The following FEM1B variants were observed in gnomAD, a reference collection of about 807,000 sequenced individuals.
The protein encoded by FEM1B is protein fem-1 homolog B.
FEM1B carries 10 observed loss-of-function variants against 38.6 expected under a neutral mutation model. The ratio of observed to expected loss-of-function variants is 0.26; its 90% confidence interval spans 0.16 to 0.44. The LOEUF (loss-of-function observed/expected upper bound fraction) is 0.44, where lower values mean the gene tolerates loss of function less well. Among genes scored for constraint, FEM1B ranks in the 20% least tolerant of loss-of-function variants. The probability of loss-of-function intolerance (pLI) is 1.00; values close to 1 mark genes in which losing one functional copy is unlikely to be tolerated. For missense variants in FEM1B, 471 were observed against 786.7 expected (o/e 0.60, Z 4.80); for synonymous variants, 288 against 288.0 (o/e 1.00, Z 0.00).
At chr15:68,285,790 C>T (rs1356974095) in intron 1 of FEM1B, among the ~76,000 whole-genome samples, 1 of 152,002 alleles carries the variant, frequency 6.6e-6, no homozygotes, top group African/African-American at 2.4e-5. Context: ...TCTTAGCCCC[C>T]CCGCAGTGCT....
At position 68,295,467 on chromosome 15, in the gene FEM1B, A is replaced by G. The variant is rs1472307407; in HGVS notation, c.*4225A>G. 6.6e-6 allele frequency: 1 copy of G among 152,204 alleles called. No individual in the cohort carries two copies. The highest frequency in any genetic ancestry group is 1.5e-5 in the Non-Finnish European group (1 of 68,040). The allele number at this position is 152,204 out of a possible 1,614,324, so 9.4% of individuals were successfully genotyped here. A position where few individuals can be genotyped will look rare whatever the true frequency, so the allele number is the denominator to read the frequency against. ...CTCAGCTTTCCTCACAGTCTTTTCA[A>G]AGGTACACAGTTGGGGAGTAAAATC... On this transcript the variant is annotated 3_prime_UTR_variant, in exon 2 of 2. Transcript: ENST00000306917.
At chr15:68,286,794 AC>A (rs1244968532) in intron 1 of FEM1B, among the ~76,000 whole-genome samples, 1 of 79,708 alleles carries the variant, frequency 1.3e-5, no homozygotes, top group African/African-American at 4.2e-5. Context: ...GACAATAAAA[AC>A]ATAACAAAAA....
chr15:68,295,111 A>G lies in FEM1B; in HGVS notation c.*3869A>G, dbSNP rs1205906853. 1 of 152,236 alleles carries G rather than the reference A, an allele frequency of 6.6e-6. No individual in the cohort carries two copies. The highest frequency in any genetic ancestry group is 1.5e-5 in the Non-Finnish European group (1 of 68,034). The allele number at this position is 152,236 out of a possible 1,614,324, so 9.4% of individuals were successfully genotyped here. On this transcript the variant is annotated 3_prime_UTR_variant, in exon 2 of 2. Coordinates refer to ENST00000306917, the MANE Select transcript of FEM1B (RefSeq NM_015322.5). ...TGATAGTGGAGATATATTAATTTTT[A>G]AAACTGTAAAGTAAATGTGGTCTCT...
At position 68,278,366 on chromosome 15, in the gene FEM1B, C is replaced by G; in HGVS notation, c.-52C>G. 2 of 1,572,352 alleles carry G rather than the reference C, an allele frequency of 1.3e-6. No homozygotes were observed. The highest frequency in any genetic ancestry group is 1.7e-6 in the Non-Finnish European group (2 of 1,158,462). ...CTGGCGAACGCGGCCTCCGGGGGCG[C>G]ACGGCAGCTGCAGCGGTGGCGACCA... is the stretch of plus-strand genomic sequence containing the variant. On this transcript the variant is annotated 5_prime_UTR_variant, in exon 1 of 2. Transcript: ENST00000306917. This position sits in a 1 kb window ranked among gnomAD's most constrained non-coding sequence, Gnocchi z 5.7.
In FEM1B at chr15:68,294,669, G is replaced by C. The variant is rs1225802863; in HGVS notation, c.*3427G>C. On this transcript the variant is annotated 3_prime_UTR_variant, in exon 2 of 2. Coordinates refer to ENST00000306917, the MANE Select transcript of FEM1B (RefSeq NM_015322.5). The surrounding 1 kb of genome is among the most constrained non-coding windows in gnomAD (Gnocchi z 4.4). ...TAGTTTGCTGGTTTAGAAACAGCCA[G>C]TGGCTGAATTAGTGAGTAAATGAAT... 6.6e-6 allele frequency: 1 copy of C among 151,922 alleles called. No homozygotes were observed. Among genetic ancestry groups the C allele is most frequent in the South Asian group, 2.1e-4 (1 of 4,796 alleles). The allele number at this position is 151,922 out of a possible 1,614,324, so 9.4% of individuals were successfully genotyped here.
rs764474695 is a variant in FEM1B at position 68,291,065 on chromosome 15, G to A, written c.1707G>A (p.Thr569=). The A allele has an allele frequency of 4.3e-6, 7 of 1,613,930 alleles. No individual in the cohort carries two copies. Among genetic ancestry groups the A allele is most frequent in the African/African-American group, 4.0e-5 (3 of 74,882 alleles). The change falls in exon 2 of 2, where the codon ACG becomes ACA. Residue 569 remains threonine, a synonymous_variant. Coordinates refer to ENST00000306917, the MANE Select transcript of FEM1B (RefSeq NM_015322.5). The surrounding 1 kb of genome is among the most constrained non-coding windows in gnomAD (Gnocchi z 6.9). ...LVEAGAHTDM[T]NKQNKTPLDK... ...AAGCCGGAGCTCACACTGACATGAC[G>A]AATAAACAGAATAAGACTCCGCTAG... is the stretch of plus-strand genomic sequence containing the variant.
intron 1 of FEM1B, among the ~76,000 whole-genome samples, chr15:68,286,638 TATCTC>T (rs1253310814): frequency 6.6e-6 from 1 of 152,232 alleles, no homozygotes; most frequent in Non-Finnish European, 1.5e-5. Flanking sequence ...TAGATTTACT[TATCTC>T]AGGAGTGTTT....
rs78230835 is a variant in FEM1B at position 68,295,023 on chromosome 15, A to G, written c.*3781A>G. On this transcript the variant is annotated 3_prime_UTR_variant, in exon 2 of 2. Coordinates refer to ENST00000306917, the MANE Select transcript of FEM1B (RefSeq NM_015322.5). ...CTGGCAGACTTGCCCAAATCTTTAGATGGGCTGGGTTATACAGCATGCCCT... is the reference window on the plus strand; with the variant it reads ...CTGGCAGACTTGCCCAAATCTTTAGGTGGGCTGGGTTATACAGCATGCCCT... 2 of 152,170 alleles carry G rather than the reference A, an allele frequency of 1.3e-5. No individual in the cohort carries two copies. The highest frequency in any genetic ancestry group is 4.8e-5 in the African/African-American group (2 of 41,442). 9.4% of individuals were successfully genotyped at this position (152,170 alleles called of 1,614,324 possible).
chr15:68,295,602 A>C lies in FEM1B; in HGVS notation c.*4360A>C, dbSNP rs764142515. 2.0e-5 allele frequency: 3 copies of C among 152,190 alleles called. No individual in the cohort carries two copies. Among genetic ancestry groups the C allele is most frequent in the Non-Finnish European group, 2.9e-5 (2 of 68,028 alleles). 9.4% of individuals were successfully genotyped at this position (152,190 alleles called of 1,614,324 possible). A position where few individuals can be genotyped will look rare whatever the true frequency, so the allele number is the denominator to read the frequency against. On this transcript the variant is annotated 3_prime_UTR_variant, in exon 2 of 2. Transcript: ENST00000306917. ...CTAGTAATTCACTGTGATTTATAAC[A>C]AACCGGTGATGTCATTCTATTGTGC... is the stretch of plus-strand genomic sequence containing the variant.
chr15:68,284,663 C>T lies in FEM1B; in HGVS notation c.249-4944C>T, dbSNP rs1892765624. The stretch of plus-strand genomic sequence containing the variant: ...ATCACTCTAAAAGTTTCCCTTGTGC[C>T]CCTTCTCAGTTTCCTCCCTTTCCTT... On this transcript the variant is annotated intron_variant, in intron 1 of 1. Transcript: ENST00000306917. The surrounding 1 kb of genome is among the most constrained non-coding windows in gnomAD (Gnocchi z 4.4). Among the ~76,000 whole-genome samples, 1 of 152,050 alleles carries T rather than the reference C, an allele frequency of 6.6e-6. No homozygotes were observed. Among genetic ancestry groups the T allele is most frequent in the Non-Finnish European group, 1.5e-5 (1 of 68,016 alleles).
In FEM1B at chr15:68,284,347, T is replaced by TATTTGGTATAAATTACCAAAGTA. The variant is rs139085346; in HGVS notation, c.249-5243_249-5221dup. ...GCAGTGAATACAGTGCTTGGCACTG[T>TATTTGGTATAAATTACCAAAGTA]ATTTGGTATAAATTACCAAAGTAAT... On this transcript the variant is annotated intron_variant, in intron 1 of 1. Coordinates refer to ENST00000306917, the MANE Select transcript of FEM1B (RefSeq NM_015322.5). This position sits in a 1 kb window ranked among gnomAD's most constrained non-coding sequence, Gnocchi z 4.4. Among the ~76,000 whole-genome samples, 1 of 152,194 alleles carries TATTTGGTATAAATTACCAAAGTA rather than the reference T, an allele frequency of 6.6e-6. No individual in the cohort carries two copies. The highest frequency in any genetic ancestry group is 2.4e-5 in the African/African-American group (1 of 41,438).
chr15:68,289,133 T>G lies in FEM1B; in HGVS notation c.249-474T>G, dbSNP rs952260882. The G allele has an allele frequency of 1.2e-5, 2 of 162,154 alleles. No homozygotes were observed. Among genetic ancestry groups the G allele is most frequent in the Non-Finnish European group, 2.7e-5 (2 of 73,300 alleles). 10.0% of individuals were successfully genotyped at this position (162,154 alleles called of 1,614,324 possible). A position where few individuals can be genotyped will look rare whatever the true frequency, so the allele number is the denominator to read the frequency against. On this transcript the variant is annotated intron_variant, in intron 1 of 1. Transcript: ENST00000306917. The surrounding 1 kb of genome is among the most constrained non-coding windows in gnomAD (Gnocchi z 6.9). ...GCTTAGGGGAAACTTACCTGCTTTA[T>G]TTTTTTCTTCTTAAAGCAGTGTCTA...
Position 68,284,462 on chromosome 15 carries a change from CTA to C in FEM1B, c.249-5143_249-5142del, listed in dbSNP as rs1892762125. On this transcript the variant is annotated intron_variant, in intron 1 of 1. Coordinates refer to ENST00000306917, the MANE Select transcript of FEM1B (RefSeq NM_015322.5). The surrounding 1 kb of genome is among the most constrained non-coding windows in gnomAD (Gnocchi z 4.4). ...TATAAATTACTCGTATTCATTTAAACTATTTTTCTTTGAAGTCATTTGTGCCT... is the reference window on the plus strand; with the variant it reads ...TATAAATTACTCGTATTCATTTAAACTTTTTCTTTGAAGTCATTTGTGCCT... Among the ~76,000 whole-genome samples the C allele has an allele frequency of 6.6e-6, 1 of 151,986 alleles. No individual in the cohort carries two copies. Among genetic ancestry groups the C allele is most frequent in the South Asian group, 2.1e-4 (1 of 4,820 alleles).
Position 68,278,023 on chromosome 15 carries a change from T to G in FEM1B, c.-395T>G. 4.9e-6 allele frequency: 1 copy of G among 202,514 alleles called. No individual in the cohort carries two copies. Among genetic ancestry groups the G allele is most frequent in the Non-Finnish European group, 9.9e-6 (1 of 100,820 alleles). The allele number at this position is 202,514 out of a possible 1,614,324, so 12.5% of individuals were successfully genotyped here. Reference sequence around the variant, plus strand: ...CGCGCCCATCTTTCGCCATCCGGGGTGCGCGAGGTCCTCTCGGGACCCGGC... The same window carrying G: ...CGCGCCCATCTTTCGCCATCCGGGGGGCGCGAGGTCCTCTCGGGACCCGGC... On this transcript the variant is annotated 5_prime_UTR_variant, in exon 1 of 2. Transcript: ENST00000306917. The surrounding 1 kb of genome is among the most constrained non-coding windows in gnomAD (Gnocchi z 5.7).
chr15:68,282,390 A>G (rs956359945), intron 1 of FEM1B, among the ~76,000 whole-genome samples: 3 of 152,258 alleles, frequency 2.0e-5, no homozygotes, highest in African/African-American at 4.8e-5. Context: ...AAGGGATTAC[A>G]TTTCATGTAA....
chr15:68,292,778 A>G lies in FEM1B; in HGVS notation c.*1536A>G, dbSNP rs1892861220. 1 of 152,146 alleles carries G rather than the reference A, an allele frequency of 6.6e-6. No individual in the cohort carries two copies. Among genetic ancestry groups the G allele is most frequent in the Admixed American group, 6.5e-5 (1 of 15,276 alleles). The allele number at this position is 152,146 out of a possible 1,614,324, so 9.4% of individuals were successfully genotyped here. ...AGAGAAAGGTTGCAGTTGGATCAGT[A>G]TAAAACAATGACCAAGCCAAAATCA... On this transcript the variant is annotated 3_prime_UTR_variant, in exon 2 of 2. Transcript: ENST00000306917.
Position 68,290,333 on chromosome 15 carries a change from T to A in FEM1B, c.975T>A (p.His325Gln). 1 of 1,614,148 alleles carries A rather than the reference T, an allele frequency of 6.2e-7. No homozygotes were observed. Among genetic ancestry groups the A allele is most frequent in the Non-Finnish European group, 8.5e-7 (1 of 1,179,992 alleles). The change falls in exon 2 of 2, where the codon CAT (histidine) becomes CAA (glutamine). Residue 325 changes from histidine (H) to glutamine (Q), a missense_variant. His to Gln is a conservative substitution (Grantham distance 24, BLOSUM62 0). This residue lies in a region of FEM1B where 380 missense variants were observed against 599.6 expected (regional missense o/e 0.63). Coordinates refer to ENST00000306917, the MANE Select transcript of FEM1B (RefSeq NM_015322.5). This position sits in a 1 kb window ranked among gnomAD's most constrained non-coding sequence, Gnocchi z 9.7. The stretch of plus-strand genomic sequence containing the variant: ...TTCGGCAAGACAGAGATGCTCTTCA[T>A]ATGGAAGGCCTTATAGTTCGGGAAC... ...ESIRQDRDALHMEGLIVRERI... is the reference protein window; with the variant it reads ...ESIRQDRDALQMEGLIVRERI...
Position 68,284,361 on chromosome 15 carries a change from T to C in FEM1B, c.249-5246T>C, listed in dbSNP as rs1012698102. Among the ~76,000 whole-genome samples the C allele has an allele frequency of 6.8e-6, 1 of 147,634 alleles. No individual in the cohort carries two copies. Among genetic ancestry groups the C allele is most frequent in the Admixed American group, 6.6e-5 (1 of 15,086 alleles). The stretch of plus-strand genomic sequence containing the variant: ...GCTTGGCACTGTATTTGGTATAAAT[T>C]ACCAAAGTAATTTGGTATAAATTAC... On this transcript the variant is annotated intron_variant, in intron 1 of 1. Transcript: ENST00000306917. The surrounding 1 kb of genome is among the most constrained non-coding windows in gnomAD (Gnocchi z 4.4).
rs1892761114 is a variant in FEM1B at position 68,284,386 on chromosome 15, CTTGAA to C, written c.249-5215_249-5211del. ...TACCAAAGTAATTTGGTATAAATTACTTGAATTGAAATTACTTGAAATTGAAATTA... is the reference window on the plus strand; with the variant it reads ...TACCAAAGTAATTTGGTATAAATTACTTGAAATTACTTGAAATTGAAATTA... On this transcript the variant is annotated intron_variant, in intron 1 of 1. Coordinates refer to ENST00000306917, the MANE Select transcript of FEM1B (RefSeq NM_015322.5). This position sits in a 1 kb window ranked among gnomAD's most constrained non-coding sequence, Gnocchi z 4.4. Among the ~76,000 whole-genome samples the C allele has an allele frequency of 1.3e-5, 2 of 151,762 alleles. No individual in the cohort carries two copies. Among genetic ancestry groups the C allele is most frequent in the Admixed American group, 6.5e-5 (1 of 15,282 alleles).
Sources: gnomAD v4.1 joint callset for allele counts (sites outside exome capture counted in the v4.1 genomes callset) on GRCh38, gnomAD v4.1.1 for gene constraint, gnomAD v4.1.1 regional missense constraint, Gnocchi (gnomAD v3.1) non-coding constraint, MANE v1.5 for transcripts, NCBI Gene and HGNC (gene_info 2026-07-23, HGNC 2026-07-21) for gene names.